The following ZNF592 variants were observed in gnomAD, a reference collection of about 807,000 sequenced individuals.
ZNF592 encodes the protein zinc finger protein 592.
In ZNF592, 11 loss-of-function variants were observed where a neutral mutation model predicts 80.3. The ratio of observed to expected loss-of-function variants is 0.14; its 90% confidence interval spans 0.09 to 0.23. ZNF592 has a LOEUF of 0.23. ZNF592 is among the 10% of genes least tolerant of loss of function. The pLI, the probability that ZNF592 is intolerant of heterozygous loss-of-function variation, is 1.00. For missense variants in ZNF592, 1,420 were observed against 1,633.9 expected, an observed-to-expected ratio of 0.87 and a Z score of 2.26; for synonymous variants, 646 against 640.3, an observed-to-expected ratio of 1.01 and a Z score of -0.13.
chr15:84,769,811 C>T (rs1899645883), intron 2 of ZNF592, among the ~76,000 whole-genome samples: 1 of 152,138 alleles, frequency 6.6e-6, no homozygotes, highest in Non-Finnish European at 1.5e-5. Flanking sequence ...GTTGCCTAGG[C>T]TGGAGTGCAG....
intron 1 of ZNF592, among the ~76,000 whole-genome samples, chr15:84,763,537 A>G (rs1899412601): frequency 6.6e-6 from 1 of 152,158 alleles, no homozygotes; most frequent in Non-Finnish European, 1.5e-5. Flanking sequence ...TTTGGACAGC[A>G]CAGTGTCTGC....
chr15:84,798,161 G>C lies in ZNF592; in HGVS notation c.2576+116G>C. The C allele has an allele frequency of 1.3e-6, 2 of 1,562,408 alleles. No homozygotes were observed. Among genetic ancestry groups the C allele is most frequent in the South Asian group, 1.1e-5 (1 of 89,362 alleles). On this transcript the variant is annotated intron_variant, in intron 6 of 10. Transcript: ENST00000560079. The surrounding 1 kb of genome is among the most constrained non-coding windows in gnomAD (Gnocchi z 4.5). ...CTGGGGTTAGTGGCAGAGGTGCCTG[G>C]GGTCGTACTAAGGATGTCCTGAGGC...
At position 84,803,579 on chromosome 15, in the gene ZNF592, T is replaced by C. The variant is rs1963161050; in HGVS notation, c.*1186T>C. ...GGCTAGTGACATTGGCTTTAGGGCGTATCGAAATTTTCTAGGCACCTTCAT... is the reference window on the plus strand; with the variant it reads ...GGCTAGTGACATTGGCTTTAGGGCGCATCGAAATTTTCTAGGCACCTTCAT... On this transcript the variant is annotated 3_prime_UTR_variant, in exon 11 of 11. Coordinates refer to ENST00000560079, the MANE Select transcript of ZNF592 (RefSeq NM_014630.3). The C allele has an allele frequency of 6.6e-6, 1 of 152,222 alleles. No individual in the cohort carries two copies. Among genetic ancestry groups the C allele is most frequent in the Admixed American group, 6.5e-5 (1 of 15,282 alleles). The allele number at this position is 152,222 out of a possible 1,614,324, so 9.4% of individuals were successfully genotyped here.
intron 5 of ZNF592, among the ~76,000 whole-genome samples, chr15:84,796,524 C>G (rs1297288345): frequency 6.6e-6 from 1 of 151,734 alleles, no homozygotes; most frequent in East Asian, 1.9e-4. Flanking sequence ...AGACTGAACA[C>G]AGGAGAGGGA....
chr15:84,772,255 T>C (rs915188282), intron 2 of ZNF592, among the ~76,000 whole-genome samples: 1 of 152,182 alleles, frequency 6.6e-6, no homozygotes, highest in Non-Finnish European at 1.5e-5. Flanking sequence ...ATGATTAATG[T>C]TCCTGCTTGA....
chr15:84,800,109 T>G, intron 10 of ZNF592, 132 bp downstream of exon 10: 2 of 1,382,154 alleles, frequency 1.4e-6, no homozygotes, highest in Non-Finnish European at 2.0e-6. Flanking sequence ...GGTCACTCTC[T>G]AGTCCTGTGT....
chr15:84,781,644 C>T (rs138221768), intron 3 of ZNF592, among the ~76,000 whole-genome samples: 5 of 152,222 alleles, frequency 3.3e-5, no homozygotes, highest in South Asian at 2.1e-4. Flanking sequence ...ATAAATGTGA[C>T]GTAAGAAACA....
At chr15:84,793,108 G>A (rs375505511) in intron 5 of ZNF592, among the ~76,000 whole-genome samples, 8 of 150,038 alleles carry the variant, frequency 5.3e-5, no homozygotes, top group African/African-American at 1.7e-4. Context: ...ATGGAGTCTC[G>A]CTGTGTCACC....
At chr15:84,788,224 A>G (rs971266674) in intron 4 of ZNF592, among the ~76,000 whole-genome samples, 2 of 152,210 alleles carry the variant, frequency 1.3e-5, no homozygotes, top group East Asian at 3.8e-4. Flanking sequence ...TGCTGAATTA[A>G]TGAGAGTGAA....
chr15:84,783,446 G>A lies in ZNF592; in HGVS notation c.771G>A (p.Gly257=), dbSNP rs989833841. 2.5e-6 allele frequency: 4 copies of A among 1,614,180 alleles called. No homozygotes were observed. The highest frequency in any genetic ancestry group is 1.3e-5 in the African/African-American group (1 of 75,046). ...HPSNSIGESK[G]LARELGTCSS... ...GCAACAGTATTGGAGAGTCCAAGGG[G>A]CTTGCCCGGGAGCTTGGTACCTGCT... Residue 257 remains glycine (G), a synonymous_variant, in exon 4 of 11, where the codon GGG becomes GGA. Coordinates refer to ENST00000560079, the MANE Select transcript of ZNF592 (RefSeq NM_014630.3). This position sits in a 1 kb window ranked among gnomAD's most constrained non-coding sequence, Gnocchi z 5.0.
intron 5 of ZNF592, among the ~76,000 whole-genome samples, chr15:84,793,418 T>G (rs1287904927): frequency 6.6e-6 from 1 of 152,234 alleles, no homozygotes. Flanking sequence ...TACTTTTCAT[T>G]TTTAATTACA....
At chr15:84,779,962 C>G (rs1369605558) in intron 3 of ZNF592, among the ~76,000 whole-genome samples, 3 of 151,420 alleles carry the variant, frequency 2.0e-5, no homozygotes, top group Non-Finnish European at 4.4e-5. Flanking sequence ...GCCCTTTCCC[C>G]TCAATCTTTT....
intron 1 of ZNF592, among the ~76,000 whole-genome samples, chr15:84,761,656 C>T (rs1735398641): frequency 6.6e-6 from 1 of 152,132 alleles, no homozygotes; most frequent in Non-Finnish European, 1.5e-5. Context: ...AATAGTATCC[C>T]AGATGGCACC....
intron 2 of ZNF592, among the ~76,000 whole-genome samples, chr15:84,771,826 A>C (rs1285188326): frequency 1.3e-5 from 2 of 152,136 alleles, no homozygotes; most frequent in Non-Finnish European, 2.9e-5. Flanking sequence ...TTGGAGTGAT[A>C]TAGACCTATA....
At chr15:84,766,706 A>AGTGTGTGTGTGTGTGTGTGTGT (rs10667788) in intron 2 of ZNF592, among the ~76,000 whole-genome samples, 12 of 140,138 alleles carry the variant, frequency 8.6e-5, no homozygotes, top group African/African-American at 2.7e-4. Context: ...GATGAGAAAG[A>AGTGTGTGTGTGTGTGTGTGTGT]GTGTGTGTGT....
At chr15:84,794,645 T>A (rs1170582881) in intron 5 of ZNF592, among the ~76,000 whole-genome samples, 1 of 152,012 alleles carries the variant, frequency 6.6e-6, no homozygotes, top group African/African-American at 2.4e-5. Flanking sequence ...CCTGGCTAAT[T>A]TTTGTATTTT....
In ZNF592 at chr15:84,798,788, G is replaced by A. The variant is rs780921203; in HGVS notation, c.2937G>A (p.Arg979=). 129 of 1,603,138 alleles carry A rather than the reference G, an allele frequency of 8.0e-5. No homozygotes were observed. The highest frequency in any genetic ancestry group is 1.1e-4 in the Non-Finnish European group (126 of 1,179,666). Residue 979 remains arginine (R), a synonymous_variant, in exon 8 of 11, where the codon AGG becomes AGA. Transcript: ENST00000560079. The surrounding 1 kb of genome is among the most constrained non-coding windows in gnomAD (Gnocchi z 4.5). ...HRRVEARPRL[R]NTGWTCQECQ... ...GGGTGGAAGCCAGGCCGCGGCTGAG[G>A]AACACTGGCTGGACCTGCCAGGAGT...
At chr15:84,770,576 T>G (rs1239132870) in intron 2 of ZNF592, among the ~76,000 whole-genome samples, 1 of 152,102 alleles carries the variant, frequency 6.6e-6, no homozygotes, top group Non-Finnish European at 1.5e-5. Flanking sequence ...GTGCCCTCAG[T>G]GCCAGTCATA....
intron 2 of ZNF592, among the ~76,000 whole-genome samples, chr15:84,773,251 G>A (rs941161134): frequency 5.6e-5 from 8 of 143,858 alleles, no homozygotes; most frequent in African/African-American, 1.8e-4. Flanking sequence ...TCGCTCTGTC[G>A]GCCAGGCTGG....
Sources: allele counts gnomAD v4.1 joint callset (sites outside exome capture counted in the v4.1 genomes callset), GRCh38; gene constraint gnomAD v4.1.1; non-coding constraint Gnocchi (gnomAD v3.1); transcripts MANE v1.5; gene names NCBI Gene and HGNC (gene_info 2026-07-23, HGNC 2026-07-21).